TMEM135: variants seen among roughly 807,000 people sequenced by gnomAD.
The protein encoded by TMEM135 is peroxisomal membrane protein 52.
In TMEM135, 30 loss-of-function variants were observed where a neutral mutation model predicts 60.3. That is an observed-to-expected ratio of 0.50 (90% confidence interval 0.37 to 0.68). TMEM135 has a LOEUF of 0.68. Among genes scored for constraint, TMEM135 ranks in the 30% least tolerant of loss-of-function variants. The pLI is 0.00. For missense variants in TMEM135, 468 were observed against 548.8 expected (o/e 0.85, Z 1.47); for synonymous variants, 190 against 186.7 (o/e 1.02, Z -0.14).
Position 87,322,523 on chromosome 11 carries a change from A to G in TMEM135, c.*1190A>G, listed in dbSNP as rs763643560. 3 of 453,884 alleles carry G rather than the reference A, an allele frequency of 6.6e-6. No homozygotes were observed. Among genetic ancestry groups the G allele is most frequent in the South Asian group, 1.6e-5 (1 of 64,472 alleles). The allele number at this position is 453,884 out of a possible 1,614,324, so 28.1% of individuals were successfully genotyped here. ...CGCTATTTACAGTTTTTCAGGGAAA[A>G]GTTATACTTTTCTATGTTAATAAAG... On this transcript the variant is annotated 3_prime_UTR_variant, in exon 15 of 15. Coordinates refer to ENST00000305494, the MANE Select transcript of TMEM135 (RefSeq NM_022918.4).
intron 4 of TMEM135, among the ~76,000 whole-genome samples, chr11:87,149,346 AC>A (rs1938493705): frequency 6.6e-6 from 1 of 151,702 alleles, no homozygotes; most frequent in African/African-American, 2.4e-5. Flanking sequence ...CTATACTCTC[AC>A]CCCTGTCCTT....
chr11:87,232,375 T>C (rs184386005), intron 5 of TMEM135, among the ~76,000 whole-genome samples: 1 of 152,090 alleles, frequency 6.6e-6, no homozygotes, highest in East Asian at 1.9e-4. Context: ...AATGATGAAA[T>C]AATGACTGAA....
At chr11:87,316,299 AGAGAGACAGAGAAAGAGAGAGAGATT>A (rs1942728031) in intron 12 of TMEM135, among the ~76,000 whole-genome samples, 1 of 151,162 alleles carries the variant, frequency 6.6e-6, no homozygotes, top group Non-Finnish European at 1.5e-5. Flanking sequence ...AGAGAGAGAG[AGAGAGACAGAGAAAGAGAGAGAGATT>A]GAGAGAATAT....
At chr11:87,305,897 T>G in intron 8 of TMEM135, 39 bp from the exon 9 acceptor site, 3 of 1,533,428 alleles carry the variant, frequency 2.0e-6, no homozygotes, top group Non-Finnish European at 2.7e-6. Context: ...ATACACACTT[T>G]AATTATAATT....
In TMEM135 at chr11:87,328,802, A is replaced by G. The variant is rs1477912568; in HGVS notation, c.*7469A>G. 1 of 454,126 alleles carries G rather than the reference A, an allele frequency of 2.2e-6. No individual in the cohort carries two copies. The highest frequency in any genetic ancestry group is 6.9e-4 in the Middle Eastern group (1 of 1,442). 28.1% of individuals were successfully genotyped at this position (454,126 alleles called of 1,614,324 possible). On this transcript the variant is annotated 3_prime_UTR_variant, in exon 15 of 15. Coordinates refer to ENST00000305494, the MANE Select transcript of TMEM135 (RefSeq NM_022918.4). ...TTTGCAATTGTGAACTGTGTTAACA[A>G]TAAAAATATATATACGAGTGTCTTT... is the stretch of plus-strand genomic sequence containing the variant.
At chr11:87,117,346 T>A (rs1481172915) in intron 4 of TMEM135, among the ~76,000 whole-genome samples, 2 of 152,180 alleles carry the variant, frequency 1.3e-5, no homozygotes, top group Non-Finnish European at 2.9e-5. Flanking sequence ...ACTCTTTCTT[T>A]CATGAAAGAT....
At chr11:87,044,666 T>G (rs1446653382) in intron 1 of TMEM135, among the ~76,000 whole-genome samples, 1 of 152,148 alleles carries the variant, frequency 6.6e-6, no homozygotes, top group Non-Finnish European at 1.5e-5. Context: ...TATTTATTTA[T>G]TTGAGACAGA....
chr11:87,217,278 A>C (rs927934315), intron 5 of TMEM135, among the ~76,000 whole-genome samples: 1 of 152,200 alleles, frequency 6.6e-6, no homozygotes, highest in Non-Finnish European at 1.5e-5. Context: ...TTGGGTATAC[A>C]GAATGTTAAT....
At chr11:87,080,892 G>T (rs1002717188) in intron 3 of TMEM135, among the ~76,000 whole-genome samples, 1 of 151,824 alleles carries the variant, frequency 6.6e-6, no homozygotes, top group Non-Finnish European at 1.5e-5. Flanking sequence ...CACCATGTTG[G>T]CCAGGCTGGT....
intron 4 of TMEM135, among the ~76,000 whole-genome samples, chr11:87,151,572 G>A (rs1353944267): frequency 1.4e-5 from 2 of 147,802 alleles, no homozygotes; most frequent in African/African-American, 2.5e-5. Context: ...TGAAGCTTAT[G>A]GAAGCTCACT....
At chr11:87,260,097 A>G (rs371841668) in intron 6 of TMEM135, among the ~76,000 whole-genome samples, 60 of 152,278 alleles carry the variant, frequency 3.9e-4, no homozygotes, top group African/African-American at 1.1e-3. Flanking sequence ...GGATTATGCA[A>G]TTTTTATGGT....
intron 3 of TMEM135, among the ~76,000 whole-genome samples, chr11:87,082,804 A>G (rs962561879): frequency 2.6e-5 from 4 of 152,224 alleles, no homozygotes; most frequent in African/African-American, 9.6e-5. Context: ...TATTGTGATG[A>G]CTAGCAGTTT....
intron 6 of TMEM135, among the ~76,000 whole-genome samples, chr11:87,249,844 A>G (rs1011327722): frequency 2.6e-5 from 4 of 152,084 alleles, no homozygotes; most frequent in African/African-American, 9.7e-5. Flanking sequence ...GTTTGGAAGT[A>G]TTCTTTTCTC....
At chr11:87,307,824 A>G (rs1406830407) in intron 9 of TMEM135, among the ~76,000 whole-genome samples, 1 of 152,192 alleles carries the variant, frequency 6.6e-6, no homozygotes, top group East Asian at 1.9e-4. Flanking sequence ...AAATACTCAT[A>G]TTAATTACAT....
Position 87,088,837 on chromosome 11 carries a change from A to G in TMEM135, c.363-2525A>G, listed in dbSNP as rs148102804. Among the ~76,000 whole-genome samples the G allele has an allele frequency of 1.7e-3, 261 of 152,328 alleles. 1 individual carries two copies. Among genetic ancestry groups the G allele is most frequent in the African/African-American group, 6.0e-3 (251 of 41,578 alleles). On this transcript the variant is annotated intron_variant, in intron 3 of 14. Coordinates refer to ENST00000305494, the MANE Select transcript of TMEM135 (RefSeq NM_022918.4). ...AAAATGTCCAGGGTAGCTCCAGTCA[A>G]AAACACAATTGTCAAAGAGATTTGT...
At chr11:87,137,787 G>GAC (rs2135241061) in intron 4 of TMEM135, among the ~76,000 whole-genome samples, 1 of 152,078 alleles carries the variant, frequency 6.6e-6, no homozygotes, top group African/African-American at 2.4e-5. Context: ...AGCAAAGCAA[G>GAC]ACATAACATA....
At chr11:87,053,634 A>G (rs1429572339) in intron 1 of TMEM135, among the ~76,000 whole-genome samples, 2 of 152,294 alleles carry the variant, frequency 1.3e-5, no homozygotes, top group South Asian at 2.1e-4. Flanking sequence ...AGTATAGTGA[A>G]TGTGAAATAT....
chr11:87,103,494 G>GTTTTTTTTTTT (rs1565442234), intron 4 of TMEM135, among the ~76,000 whole-genome samples: 1 of 35,546 alleles, frequency 2.8e-5, no homozygotes, highest in African/African-American at 1.9e-4. Context: ...TTTTTTTTTT[G>GTTTTTTTTTTT]TTTGTTTTTT....
chr11:87,272,733 A>G (rs1023937336), intron 6 of TMEM135, among the ~76,000 whole-genome samples: 9 of 152,156 alleles, frequency 5.9e-5, no homozygotes, highest in African/African-American at 2.2e-4. Flanking sequence ...AAGTTCTGGA[A>G]CTACAGATGT....
Sources: allele counts gnomAD v4.1 joint callset (sites outside exome capture counted in the v4.1 genomes callset), GRCh38; gene constraint gnomAD v4.1.1; transcripts MANE v1.5; gene names NCBI Gene and HGNC (gene_info 2026-07-23, HGNC 2026-07-21).